LRRC8B: variants seen among roughly 807,000 people sequenced by gnomAD.
LRRC8B encodes leucine rich repeat containing 8 VRAC subunit B, also known as volume-regulated anion channel subunit LRRC8B.
A neutral mutation model predicts 58.8 loss-of-function variants in LRRC8B; 23 were observed. The observed-to-expected ratio is 0.39, with a 90% CI of 0.28 to 0.55. LRRC8B has a LOEUF of 0.55. Ranked by LOEUF, LRRC8B falls within the 20% of genes least tolerant of loss-of-function variation. The probability of loss-of-function intolerance (pLI) is 0.62; values close to 1 mark genes in which losing one functional copy is unlikely to be tolerated. For synonymous variants in LRRC8B, 359 were observed against 374.1 expected (o/e 0.96, Z 0.47); for missense variants, 694 against 936.0 (o/e 0.74, Z 3.37).
At position 89,582,903 on chromosome 1, in the gene LRRC8B, A is replaced by G. The variant is rs1267183320; in HGVS notation, c.253A>G (p.Thr85Ala). The change falls in exon 5 of 6, where the codon ACA (threonine) becomes GCA (alanine). Residue 85 changes from threonine to alanine, a missense_variant. Physicochemically the swap from Thr to Ala is moderately conservative, Grantham distance 58 (BLOSUM62 0). Around this residue, in one of 5 missense-constraint regions of LRRC8B, gnomAD observed 316 missense variants for 403.8 expected, o/e 0.78. Coordinates refer to ENST00000330947, the MANE Select transcript of LRRC8B (RefSeq NM_001369817.2). ...ASMNTSSNPG[T>A]PLPLPLRIQN... ...CATGAACACATCCTCTAATCCTGGG[A>G]CACCGCTTCCGCTCCCCCTCCGAAT... 5 of 1,614,100 alleles carry G rather than the reference A, an allele frequency of 3.1e-6. No homozygotes were observed. The highest frequency in any genetic ancestry group is 4.2e-6 in the Non-Finnish European group (5 of 1,180,020).
At chr1:89,584,872 C>A in intron 5 of LRRC8B, 83 bp downstream of exon 5, 1 of 993,314 alleles carries the variant, frequency 1.0e-6, no homozygotes, top group South Asian at 1.7e-5. Flanking sequence ...CACTTCAAAT[C>A]ATACTGTGTG....
chr1:89,580,511 C>G (rs1654142784), intron 4 of LRRC8B, among the ~76,000 whole-genome samples: 1 of 152,226 alleles, frequency 6.6e-6, no homozygotes, highest in Non-Finnish European at 1.5e-5. Flanking sequence ...TACCATCCCT[C>G]ACACCCCTGG....
At chr1:89,547,624 C>A (rs1489515006) in intron 1 of LRRC8B, among the ~76,000 whole-genome samples, 13 of 152,312 alleles carry the variant, frequency 8.5e-5, no homozygotes, top group Middle Eastern at 3.4e-3. Context: ...TTGATAAAAT[C>A]ATATTCTCAA....
At chr1:89,586,087 A>G (rs1570647204) in intron 5 of LRRC8B, among the ~76,000 whole-genome samples, 1 of 152,208 alleles carries the variant, frequency 6.6e-6, no homozygotes, top group Non-Finnish European at 1.5e-5. Context: ...TTAAAGGTTT[A>G]TGAGATTTTA....
chr1:89,542,887 G>A, intron 1 of LRRC8B, among the ~76,000 whole-genome samples: 1 of 152,172 alleles, frequency 6.6e-6, no homozygotes, highest in East Asian at 1.9e-4. Flanking sequence ...CACTAGACTT[G>A]TTTTGTCTTA....
At chr1:89,532,413 A>C (rs922510297) in intron 1 of LRRC8B, among the ~76,000 whole-genome samples, 1 of 152,146 alleles carries the variant, frequency 6.6e-6, no homozygotes, top group Non-Finnish European at 1.5e-5. Context: ...CTGTGTCCCC[A>C]CCCAAATCTC....
chr1:89,589,316 G>A (rs545173738), intron 5 of LRRC8B, among the ~76,000 whole-genome samples: 1 of 152,276 alleles, frequency 6.6e-6, no homozygotes, highest in African/African-American at 2.4e-5. Flanking sequence ...CTTCTACTGT[G>A]TCTCCTATGC....
At chr1:89,534,227 A>G (rs1029181891) in intron 1 of LRRC8B, among the ~76,000 whole-genome samples, 1 of 152,194 alleles carries the variant, frequency 6.6e-6, no homozygotes, top group Non-Finnish European at 1.5e-5. Flanking sequence ...GAAATTTTTC[A>G]TCATAATTTT....
At position 89,583,925 on chromosome 1, in the gene LRRC8B, TC is replaced by T. The variant is rs768402114; in HGVS notation, c.1276del (p.Leu426PhefsTer14). The T allele has an allele frequency of 6.2e-7, 1 of 1,614,216 alleles. No individual in the cohort carries two copies. The highest frequency in any genetic ancestry group is 1.3e-5 in the African/African-American group (1 of 75,058). On this transcript the variant is annotated frameshift_variant, in exon 5 of 6. Coordinates refer to ENST00000330947, the MANE Select transcript of LRRC8B (RefSeq NM_001369817.2). LOFTEE classifies it high-confidence loss of function. This position sits in a 1 kb window ranked among gnomAD's most constrained non-coding sequence, Gnocchi z 5.2. ...KNAQDKIELH[L>X]FMLNGLPDNV... is the part of the protein sequence containing the mutation. The stretch of plus-strand genomic sequence containing the variant: ...ATGCCCAGGACAAGATAGAACTGCA[TC>T]TTTTTATGCTCAACGGTCTTCCAGA...
At chr1:89,577,557 T>C (rs1570631204) in intron 3 of LRRC8B, among the ~76,000 whole-genome samples, 1 of 152,194 alleles carries the variant, frequency 6.6e-6, no homozygotes, top group South Asian at 2.1e-4. Flanking sequence ...AACAATTTCC[T>C]GGACAGACAG....
intron 3 of LRRC8B, among the ~76,000 whole-genome samples, chr1:89,573,735 A>G (rs1653635331): frequency 1.3e-5 from 2 of 152,108 alleles, no homozygotes. Flanking sequence ...TTCCTTATCT[A>G]TTTTATAGAG....
chr1:89,543,489 T>C (rs1570572444), intron 1 of LRRC8B, among the ~76,000 whole-genome samples: 2 of 152,168 alleles, frequency 1.3e-5, no homozygotes, highest in African/African-American at 2.4e-5. Flanking sequence ...ATCTAAGTTT[T>C]GAAAAACTGA....
chr1:89,589,787 A>C (rs1457700855), intron 5 of LRRC8B, among the ~76,000 whole-genome samples: 1 of 149,260 alleles, frequency 6.7e-6, no homozygotes, highest in African/African-American at 2.5e-5. Context: ...AAAAAAAAGG[A>C]AATCTGGTAT....
Position 89,592,763 on chromosome 1 carries a change from C to G in LRRC8B, c.2140-8C>G. 6.2e-7 allele frequency: 1 copy of G among 1,611,478 alleles called. No homozygotes were observed. Among genetic ancestry groups the G allele is most frequent in the East Asian group, 2.2e-5 (1 of 44,844 alleles). The stretch of plus-strand genomic sequence containing the variant: ...ATTTTACCAGCTTCTTTTTTCTTCC[C>G]TTTCCAGATTGAGATGCTACCAGAT... On this transcript the variant is annotated splice_region_variant and splice_polypyrimidine_tract_variant and intron_variant, in intron 5 of 5. Coordinates refer to ENST00000330947, the MANE Select transcript of LRRC8B (RefSeq NM_001369817.2).
intron 1 of LRRC8B, among the ~76,000 whole-genome samples, chr1:89,542,938 A>G (rs1040147724): frequency 2.0e-5 from 3 of 152,210 alleles, no homozygotes; most frequent in African/African-American, 4.8e-5. Context: ...CACCTGATTT[A>G]TCTTTTGTAA....
chr1:89,596,866 T>C lies in LRRC8B; in HGVS notation c.*3823T>C, dbSNP rs1655330478. 2 of 152,214 alleles carry C rather than the reference T, an allele frequency of 1.3e-5. No homozygotes were observed. The highest frequency in any genetic ancestry group is 2.9e-5 in the Non-Finnish European group (2 of 68,024). 9.4% of individuals were successfully genotyped at this position (152,214 alleles called of 1,614,324 possible). A position where few individuals can be genotyped will look rare whatever the true frequency, so the allele number is the denominator to read the frequency against. ...TCCTGCAGTATTTAGAGCTGATCTG[T>C]ACCCAAAGCAGGACAATGTAACTGT... On this transcript the variant is annotated 3_prime_UTR_variant, in exon 6 of 6. Coordinates refer to ENST00000330947, the MANE Select transcript of LRRC8B (RefSeq NM_001369817.2).
At chr1:89,560,849 G>A (rs978743428) in intron 1 of LRRC8B, among the ~76,000 whole-genome samples, 25 of 152,016 alleles carry the variant, frequency 1.6e-4, no homozygotes, top group African/African-American at 2.7e-4. Context: ...ATAAACATAC[G>A]TGTGCATGTG....
intron 1 of LRRC8B, among the ~76,000 whole-genome samples, chr1:89,546,402 G>C (rs931037388): frequency 2.6e-5 from 4 of 152,144 alleles, no homozygotes; most frequent in African/African-American, 9.7e-5. Context: ...TTCAGTTCTG[G>C]AAGGCACATT....
Position 89,584,530 on chromosome 1 carries a change from T to C in LRRC8B, c.1880T>C (p.Ile627Thr), listed in dbSNP as rs1160217030. 6.2e-7 allele frequency: 1 copy of C among 1,614,226 alleles called. No individual in the cohort carries two copies. Residue 627 changes from isoleucine to threonine, a missense_variant, in exon 5 of 6, where the codon ATT becomes ACT. Coordinates refer to ENST00000330947, the MANE Select transcript of LRRC8B (RefSeq NM_001369817.2). ...AACCTTAAAACTGTGGAAGAGATCA[T>C]TAGCTTTCAGCATCTTCAGAATCTT... ...ENNLKTVEEI[I>T]SFQHLQNLSC...
Sources: allele counts gnomAD v4.1 joint callset (sites outside exome capture counted in the v4.1 genomes callset), GRCh38; gene constraint gnomAD v4.1.1; regional missense constraint gnomAD v4.1.1; non-coding constraint Gnocchi (gnomAD v3.1); transcripts MANE v1.5; gene names NCBI Gene and HGNC (gene_info 2026-07-23, HGNC 2026-07-21).